Variants in TP53BP1 observed in about 807,000 individuals in gnomAD.
TP53BP1 encodes the protein tumor protein p53 binding protein 1.
TP53BP1 carries 61 observed loss-of-function variants against 200.8 expected under a neutral mutation model. The ratio of observed to expected loss-of-function variants is 0.30; its 90% CI spans 0.25 to 0.38. TP53BP1 has a LOEUF of 0.38. Among genes scored for constraint, TP53BP1 ranks in the 10% least tolerant of loss-of-function variants. The pLI is 1.00. For synonymous variants in TP53BP1, 822 were observed against 844.3 expected (o/e 0.97, Z 0.46); for missense variants, 2,144 against 2,371.9 (o/e 0.90, Z 2.00).
intron 12 of TP53BP1, among the ~76,000 whole-genome samples, chr15:43,450,170 TA>T (rs1199951590): frequency 6.6e-6 from 1 of 152,192 alleles, no homozygotes; most frequent in African/African-American, 2.4e-5. Context: ...AACTCAATAC[TA>T]ATTTTGAAAC....
At chr15:43,410,563 AAAAG>A (rs2045084439) in intron 24 of TP53BP1, among the ~76,000 whole-genome samples, 3 of 148,862 alleles carry the variant, frequency 2.0e-5, no homozygotes, top group East Asian at 4.4e-4. Context: ...ATTAAAAAAA[AAAAG>A]AAAAGAAAAG....
Position 43,473,022 on chromosome 15 carries a change from GGAGTGAA to G in TP53BP1, c.1180+1644_1180+1650del, listed in dbSNP as rs1197731026. 2.1e-4 allele frequency among the ~76,000 whole-genome samples: 32 copies of G among 152,222 alleles called. No individual in the cohort carries two copies. The East Asian group carries it at 4.0e-3, about 19-fold the overall frequency. ...GTGGGTTCGTGGTCTCGCTGGTTCA[GGAGTGAA>G]GCTGCAGACCTTCGCGGTGAGTATT... On this transcript the variant is annotated intron_variant, in intron 10 of 27. Coordinates refer to ENST00000382044, the MANE Select transcript of TP53BP1 (RefSeq NM_001141980.3).
chr15:43,489,075 T>C (rs1023451246), intron 4 of TP53BP1, among the ~76,000 whole-genome samples: 1 of 152,210 alleles, frequency 6.6e-6, no homozygotes, highest in African/African-American at 2.4e-5. Context: ...GCCTAACAAA[T>C]TCATATTTAT....
Position 43,406,249 on chromosome 15 carries a change from T to A in TP53BP1, c.*1134A>T, listed in dbSNP as rs1221789216. The A allele has an allele frequency of 1.6e-5, 3 of 189,528 alleles. No homozygotes were observed. Among genetic ancestry groups the A allele is most frequent in the East Asian group, 2.8e-4 (2 of 7,090 alleles). The allele number at this position is 189,528 out of a possible 1,614,324, so 11.7% of individuals were successfully genotyped here. A position where few individuals can be genotyped will look rare whatever the true frequency, so the allele number is the denominator to read the frequency against. On this transcript the variant is annotated 3_prime_UTR_variant, in exon 28 of 28. Transcript: ENST00000382044. Reference sequence around the variant, plus strand: ...ATATCAGTGTAAGTAAAAAGAAATATTCACTGAACAACGCCCTCCAAACTG... The same window carrying A: ...ATATCAGTGTAAGTAAAAAGAAATAATCACTGAACAACGCCCTCCAAACTG...
chr15:43,499,703 A>G (rs1001852286), intron 1 of TP53BP1, among the ~76,000 whole-genome samples: 15 of 152,230 alleles, frequency 9.9e-5, no homozygotes, highest in African/African-American at 3.6e-4. Context: ...AGCAAGTCAG[A>G]AAACCCATAA....
In TP53BP1 at chr15:43,446,546, T is replaced by C; in HGVS notation, c.2881A>G (p.Met961Val). Reference protein sequence around the residue: ...PESTIATSDVMSESMVETHDP... With the variant: ...PESTIATSDVVSESMVETHDP... The stretch of plus-strand genomic sequence containing the variant: ...TGGGTCTCCACCATGCTTTCAGACA[T>C]GACATCACTGGTTGCTATGGTGCTT... The change falls in exon 14 of 28, where the codon ATG becomes GTG. Residue 961 changes from methionine (M) to valine (V), a missense_variant. This residue lies in a region of TP53BP1 where 1,700 missense variants were observed against 1,710.3 expected (regional missense o/e 0.99). Transcript: ENST00000382044. The C allele has an allele frequency of 8.7e-6, 14 of 1,614,160 alleles. No homozygotes were observed. Among genetic ancestry groups the C allele is most frequent in the African/African-American group, 1.3e-5 (1 of 75,042 alleles).
intron 14 of TP53BP1, among the ~76,000 whole-genome samples, chr15:43,445,636 G>C (rs2046024221): frequency 6.6e-6 from 1 of 152,078 alleles, no homozygotes; most frequent in Admixed American, 6.6e-5. Context: ...ATACCTACTT[G>C]GGAGTACTAT....
intron 11 of TP53BP1, among the ~76,000 whole-genome samples, chr15:43,466,833 A>T (rs912272848): frequency 7.9e-5 from 12 of 152,162 alleles, no homozygotes; most frequent in Non-Finnish European, 8.8e-5. Flanking sequence ...TTCCAGCCTG[A>T]GCAACAGGTC....
intron 11 of TP53BP1, among the ~76,000 whole-genome samples, chr15:43,462,029 T>C (rs1258280135): frequency 1.3e-5 from 2 of 150,890 alleles, no homozygotes; most frequent in East Asian, 3.9e-4. Flanking sequence ...TTAATAAACA[T>C]ATATCAAAAA....
Position 43,404,255 on chromosome 15 carries a change from A to C in TP53BP1, c.*3128T>G. ...TGCATGTATGGATTTGGTACAAGTC[A>C]TTTTAGGAACTAATAGAAATAGGAA... On this transcript the variant is annotated 3_prime_UTR_variant, in exon 28 of 28. Transcript: ENST00000382044. 1.3e-6 allele frequency: 1 copy of C among 790,614 alleles called. No individual in the cohort carries two copies. Among genetic ancestry groups the C allele is most frequent in the Non-Finnish European group, 2.0e-6 (1 of 510,324 alleles). 49.0% of individuals were successfully genotyped at this position (790,614 alleles called of 1,614,324 possible). A position where few individuals can be genotyped will look rare whatever the true frequency, so the allele number is the denominator to read the frequency against.
chr15:43,404,715 A>G lies in TP53BP1; in HGVS notation c.*2668T>C, dbSNP rs1321471968. 1.4e-6 allele frequency: 1 copy of G among 740,368 alleles called. No individual in the cohort carries two copies. Among genetic ancestry groups the G allele is most frequent in the Non-Finnish European group, 2.1e-6 (1 of 471,834 alleles). The allele number at this position is 740,368 out of a possible 1,614,324, so 45.9% of individuals were successfully genotyped here. On this transcript the variant is annotated 3_prime_UTR_variant, in exon 28 of 28. Transcript: ENST00000382044. ...ATCTTTAATAATTTTAATGGAGGTT[A>G]TTTTCTAGTAGAAGTCATCATCATC...
chr15:43,435,841 G>A (rs1016569578), intron 16 of TP53BP1, among the ~76,000 whole-genome samples: 3 of 151,946 alleles, frequency 2.0e-5, no homozygotes, highest in Non-Finnish European at 2.9e-5. Flanking sequence ...GACTACAAGC[G>A]TGGACGACCC....
At chr15:43,444,305 C>G (rs1034669972) in intron 14 of TP53BP1, among the ~76,000 whole-genome samples, 2 of 152,166 alleles carry the variant, frequency 1.3e-5, no homozygotes, top group African/African-American at 4.8e-5. Context: ...TGAGATGTCA[C>G]TATGTTGCCC....
intron 22 of TP53BP1, 135 bp downstream of exon 22, chr15:43,416,090 G>T: frequency 1.2e-6 from 1 of 850,384 alleles, no homozygotes; most frequent in Non-Finnish European, 1.8e-6. Context: ...GAAAATGACA[G>T]CTCATCCACC....
intron 15 of TP53BP1, among the ~76,000 whole-genome samples, chr15:43,440,802 T>C (rs763595556): frequency 6.6e-6 from 1 of 151,986 alleles, no homozygotes; most frequent in Non-Finnish European, 1.5e-5. Context: ...GGCAGGAGGA[T>C]AGCTGGAGGT....
At chr15:43,428,189 C>T in intron 17 of TP53BP1, 21 bp from the exon 18 acceptor site, 2 of 1,610,572 alleles carry the variant, frequency 1.2e-6, no homozygotes, top group Non-Finnish European at 1.7e-6. Flanking sequence ...AAATACAGAA[C>T]ATAAGCACAG....
chr15:43,439,059 C>T (rs2045868664), intron 15 of TP53BP1, among the ~76,000 whole-genome samples: 1 of 151,952 alleles, frequency 6.6e-6, no homozygotes, highest in Non-Finnish European at 1.5e-5. Context: ...GAGGGGGGTG[C>T]TGGAAATATA....
intron 1 of TP53BP1, 57 bp downstream of exon 1, chr15:43,492,980 G>C: frequency 6.4e-7 from 1 of 1,574,454 alleles, no homozygotes; most frequent in South Asian, 1.1e-5. Context: ...CATCCCTTCA[G>C]ACCCGAAATC....
chr15:43,452,200 A>G (rs921084627), intron 12 of TP53BP1, among the ~76,000 whole-genome samples: 1 of 152,054 alleles, frequency 6.6e-6, no homozygotes, highest in Non-Finnish European at 1.5e-5. Context: ...TTTAAGTACA[A>G]AATAATATTT....
Sources: gnomAD v4.1 joint callset for allele counts (sites outside exome capture counted in the v4.1 genomes callset) on GRCh38, gnomAD v4.1.1 for gene constraint, gnomAD v4.1.1 regional missense constraint, MANE v1.5 for transcripts, NCBI Gene and HGNC (gene_info 2026-07-23, HGNC 2026-07-21) for gene names.